The following DOCK5 variants were observed in gnomAD, a reference collection of about 807,000 sequenced individuals.
The protein encoded by DOCK5 is dedicator of cytokinesis protein 5.
In DOCK5, 142 loss-of-function variants were observed where a neutral mutation model predicts 251.8. That is an observed-to-expected ratio of 0.56 (90% CI 0.49 to 0.65). The LOEUF is 0.65. Ranked by LOEUF, DOCK5 falls within the 30% of genes least tolerant of loss-of-function variation. DOCK5 has a pLI of 0.00. For synonymous variants in DOCK5, 842 were observed against 835.5 expected (o/e 1.01, Z -0.13); for missense variants, 2,111 against 2,312.3 (o/e 0.91, Z 1.79).
rs1272089452 is a variant in DOCK5, at chr8:25,407,917, T to C, written c.5094-66T>C. On this transcript the variant is annotated intron_variant, in intron 48 of 51. Coordinates refer to ENST00000276440, the MANE Select transcript of DOCK5 (RefSeq NM_024940.8). ...TAAAGAGTCATAACTGCTGGTACTT[T>C]CATAGTGAATTTTGATTGCAAGGTG... 1.1e-5 allele frequency: 16 copies of C among 1,485,702 alleles called. No homozygotes were observed. In the East Asian group the frequency reaches 3.5e-4, roughly 33 times the overall value. 92.0% of individuals were successfully genotyped at this position (1,485,702 alleles called of 1,614,324 possible). A position where few individuals can be genotyped will look rare whatever the true frequency, so the allele number is the denominator to read the frequency against.
chr8:25,198,105 C>T (rs1412011142), intron 1 of DOCK5, among the ~76,000 whole-genome samples: 2 of 152,176 alleles, frequency 1.3e-5, no homozygotes, highest in Non-Finnish European at 2.9e-5. Context: ...CTAATTCCCT[C>T]TTGAAAATAA....
At chr8:25,265,399 AT>A (rs1294646262) in intron 2 of DOCK5, among the ~76,000 whole-genome samples, 1 of 151,908 alleles carries the variant, frequency 6.6e-6, no homozygotes, top group East Asian at 1.9e-4. Context: ...CTTCAGGCTT[AT>A]TCTTGCCTCA....
intron 38 of DOCK5, among the ~76,000 whole-genome samples, chr8:25,379,742 T>A (rs1009851089): frequency 3.3e-5 from 5 of 152,178 alleles, no homozygotes; most frequent in South Asian, 2.1e-4. Flanking sequence ...TATGTTCCTC[T>A]GCCGCAGCTC....
intron 14 of DOCK5, among the ~76,000 whole-genome samples, chr8:25,317,799 G>C (rs936578426): frequency 3.9e-5 from 6 of 152,130 alleles, no homozygotes; most frequent in Admixed American, 3.3e-4. Context: ...TTTTATTAGA[G>C]ACGGGGTTTC....
intron 1 of DOCK5, among the ~76,000 whole-genome samples, chr8:25,190,542 A>C (rs1222584749): frequency 6.6e-6 from 1 of 152,178 alleles, no homozygotes; most frequent in African/African-American, 2.4e-5. Flanking sequence ...TCGTAATTAA[A>C]GTGAGTGCTG....
At chr8:25,204,218 C>T (rs547025565) in intron 1 of DOCK5, among the ~76,000 whole-genome samples, 2 of 152,214 alleles carry the variant, frequency 1.3e-5, no homozygotes, top group South Asian at 4.1e-4. Context: ...ATAGTCGATA[C>T]AACATAATGA....
At chr8:25,305,323 T>G (rs1307009992) in intron 11 of DOCK5, 2 of 150,490 alleles carry the variant, frequency 1.3e-5, no homozygotes. Flanking sequence ...TTGGAGAAAG[T>G]TAGCTAGCCA....
intron 2 of DOCK5, among the ~76,000 whole-genome samples, chr8:25,248,521 A>G (rs561729630): frequency 5.3e-5 from 8 of 151,558 alleles, no homozygotes; most frequent in African/African-American, 1.9e-4. Flanking sequence ...CTCCCTCTGC[A>G]CTCTGCCCCA....
At chr8:25,240,917 T>C (rs1312776128) in intron 1 of DOCK5, among the ~76,000 whole-genome samples, 1 of 152,200 alleles carries the variant, frequency 6.6e-6, no homozygotes, top group East Asian at 1.9e-4. Context: ...TCCTTGCTTC[T>C]TCCAGCTTCT....
intron 1 of DOCK5, among the ~76,000 whole-genome samples, chr8:25,215,055 G>T (rs2117485548): frequency 6.6e-6 from 1 of 152,286 alleles, no homozygotes; most frequent in African/African-American, 2.4e-5. Context: ...CTGTGACTAG[G>T]GGCTGTGGGA....
Position 25,317,746 on chromosome 8 carries a change from G to A in DOCK5, c.1443+615G>A, listed in dbSNP as rs61095597. 6.4e-3 allele frequency among the ~76,000 whole-genome samples: 982 copies of A among 152,254 alleles called. 11 individuals carry two copies. The highest frequency in any genetic ancestry group is 0.023 in the African/African-American group (939 of 41,544). ...CAGCCTTAGCCTCCCAAGTAGCTGG[G>A]ACTACAAGCGCCCACCACCACGCCC... On this transcript the variant is annotated intron_variant, in intron 14 of 51. Coordinates refer to ENST00000276440, the MANE Select transcript of DOCK5 (RefSeq NM_024940.8).
chr8:25,219,258 T>G (rs1802323143), intron 1 of DOCK5, among the ~76,000 whole-genome samples: 1 of 152,212 alleles, frequency 6.6e-6, no homozygotes, highest in East Asian at 1.9e-4. Flanking sequence ...CTTGTACAGT[T>G]TTCTTTTTCT....
rs368880932 is a variant in DOCK5 at position 25,395,677 on chromosome 8, C to T, written c.4662C>T (p.Ile1554=). ...VHPLSMLLSG[I]VDPAVMGGFS... is the part of the protein sequence containing the mutation. ...CTCTCTCCATGCTGCTCAGTGGCAT[C>T]GTGGACCCGGCCGTCATGGGGGGCT... Residue 1554 remains isoleucine (I), a synonymous_variant, in exon 45 of 52, where the codon ATC becomes ATT. Coordinates refer to ENST00000276440, the MANE Select transcript of DOCK5 (RefSeq NM_024940.8). 70 of 1,613,686 alleles carry T rather than the reference C, an allele frequency of 4.3e-5. No homozygotes were observed. Among genetic ancestry groups the T allele is most frequent in the East Asian group, 8.9e-5 (4 of 44,846 alleles).
intron 48 of DOCK5, among the ~76,000 whole-genome samples, chr8:25,404,166 C>T (rs1801485112): frequency 6.6e-6 from 1 of 152,112 alleles, no homozygotes; most frequent in Non-Finnish European, 1.5e-5. Flanking sequence ...CTTGGTAGCC[C>T]CATGGCAGCT....
intron 2 of DOCK5, among the ~76,000 whole-genome samples, chr8:25,246,804 C>A (rs1415367131): frequency 6.7e-6 from 1 of 149,598 alleles, no homozygotes; most frequent in Non-Finnish European, 1.5e-5. Context: ...GTTGTTTTGT[C>A]AAGCTTTTCT....
chr8:25,198,294 G>A (rs747878802), intron 1 of DOCK5, among the ~76,000 whole-genome samples: 1 of 152,180 alleles, frequency 6.6e-6, no homozygotes, highest in Non-Finnish European at 1.5e-5. Context: ...GTGACGACCA[G>A]ACACGGTGTC....
intron 1 of DOCK5, among the ~76,000 whole-genome samples, chr8:25,220,847 G>A (rs552970989): frequency 6.6e-5 from 10 of 152,120 alleles, no homozygotes; most frequent in South Asian, 4.2e-4. Flanking sequence ...CAGGTGATCC[G>A]CCCACCTTGG....
intron 35 of DOCK5, 87 bp from the exon 36 acceptor site, chr8:25,373,531 G>A (rs556330077): frequency 6.8e-6 from 9 of 1,316,862 alleles, no homozygotes; most frequent in African/African-American, 1.5e-5. Context: ...TGAAACTTTT[G>A]AAAAGCAACA....
At chr8:25,242,336 G>C (rs1487409332) in intron 1 of DOCK5, among the ~76,000 whole-genome samples, 3 of 152,064 alleles carry the variant, frequency 2.0e-5, no homozygotes, top group Non-Finnish European at 4.4e-5. Context: ...TAGGTACCTA[G>C]GAATGGATTG....
Sources: allele counts gnomAD v4.1 joint callset (sites outside exome capture counted in the v4.1 genomes callset), GRCh38; gene constraint gnomAD v4.1.1; transcripts MANE v1.5; gene names NCBI Gene and HGNC (gene_info 2026-07-23, HGNC 2026-07-21).